Variants in WDR7 observed in about 807,000 individuals in gnomAD.
The protein encoded by WDR7 is WD repeat domain 7, also known as WD repeat-containing protein 7.
A neutral mutation model predicts 169.4 loss-of-function variants in WDR7; 46 were observed. The observed-to-expected ratio is 0.27, with a 90% CI of 0.21 to 0.35. The LOEUF (loss-of-function observed/expected upper bound fraction) is 0.35. WDR7 is among the 10% of genes least tolerant of loss of function. The probability of loss-of-function intolerance (pLI) is 1.00; values close to 1 mark genes in which losing one functional copy is unlikely to be tolerated. For synonymous variants in WDR7, 612 were observed against 666.8 expected, an observed-to-expected ratio of 0.92 and a Z score of 1.27; for missense variants, 1,534 against 1,859.3, an observed-to-expected ratio of 0.83 and a Z score of 3.22.
At chr18:56,762,257 T>C (rs1289236209) in intron 16 of WDR7, among the ~76,000 whole-genome samples, 1 of 152,006 alleles carries the variant, frequency 6.6e-6, no homozygotes, top group Admixed American at 6.5e-5. Context: ...TTTTTTCTGA[T>C]GTCCTTAGAA....
In WDR7 at chr18:56,747,835, C is replaced by T. The variant is rs147399805; in HGVS notation, c.1990-8748C>T. On this transcript the variant is annotated intron_variant, in intron 14 of 27. Coordinates refer to ENST00000254442, the MANE Select transcript of WDR7 (RefSeq NM_015285.3). ...GGTTCAAAATAGCTTAGAATCTACACGAGCATGAACATTTCTGAAATGAGG... is the reference window on the plus strand; with the variant it reads ...GGTTCAAAATAGCTTAGAATCTACATGAGCATGAACATTTCTGAAATGAGG... Among the ~76,000 whole-genome samples, 377 of 152,140 alleles carry T rather than the reference C, an allele frequency of 2.5e-3. 1 individual carries two copies. Among genetic ancestry groups the T allele is most frequent in the African/African-American group, 8.3e-3 (345 of 41,532 alleles).
intron 16 of WDR7, among the ~76,000 whole-genome samples, chr18:56,767,946 A>G (rs1266183666): frequency 2.0e-5 from 3 of 152,198 alleles, no homozygotes; most frequent in African/African-American, 7.2e-5. Context: ...CAATGGTGGG[A>G]CGATTCAATA....
At chr18:56,877,379 T>C (rs760317332) in intron 20 of WDR7, among the ~76,000 whole-genome samples, 2 of 152,104 alleles carry the variant, frequency 1.3e-5, no homozygotes, top group Non-Finnish European at 2.9e-5. Flanking sequence ...ACACAGGGAG[T>C]GTCTCGAAAT....
chr18:57,026,823 A>T (rs926970443), intron 27 of WDR7, among the ~76,000 whole-genome samples, 181 bp from the exon 28 acceptor site: 3 of 152,220 alleles, frequency 2.0e-5, no homozygotes, highest in Non-Finnish European at 4.4e-5. Flanking sequence ...CATTTACCAT[A>T]ACAGCATCGG....
intron 19 of WDR7, among the ~76,000 whole-genome samples, chr18:56,787,712 T>C (rs2044424209): frequency 6.6e-6 from 1 of 152,202 alleles, no homozygotes; most frequent in African/African-American, 2.4e-5. Flanking sequence ...GTAGTACCTA[T>C]TTTAACCTGG....
chr18:56,878,721 A>AT (rs2046063501), intron 20 of WDR7, among the ~76,000 whole-genome samples: 1 of 152,026 alleles, frequency 6.6e-6, no homozygotes, highest in South Asian at 2.1e-4. Flanking sequence ...ATTGTTAACC[A>AT]TTTTACCCCC....
intron 12 of WDR7, among the ~76,000 whole-genome samples, chr18:56,698,605 CA>C (rs34560445): frequency 0.17 from 14,653 of 88,030 alleles, 910 homozygotes; most frequent in East Asian, 0.39. Flanking sequence ...GACTCTGTCT[CA>C]AAAAAAAAAA....
intron 26 of WDR7, among the ~76,000 whole-genome samples, chr18:56,970,083 T>C (rs2047462136): frequency 6.6e-6 from 1 of 152,152 alleles, no homozygotes; most frequent in South Asian, 2.1e-4. Flanking sequence ...AAAATAAATA[T>C]CAAAAAATGT....
chr18:56,974,178 C>T (rs2047531578), intron 26 of WDR7, among the ~76,000 whole-genome samples: 1 of 152,090 alleles, frequency 6.6e-6, no homozygotes, highest in Admixed American at 6.5e-5. Flanking sequence ...TATCTCACAC[C>T]TAATTTCATG....
intron 16 of WDR7, among the ~76,000 whole-genome samples, chr18:56,764,326 G>T (rs1385944756): frequency 6.6e-6 from 1 of 151,956 alleles, no homozygotes. Flanking sequence ...CCTAGGATCT[G>T]TCTGTTACTG....
chr18:56,792,612 G>GTT (rs71169398), intron 19 of WDR7, among the ~76,000 whole-genome samples: 1,383 of 134,024 alleles, frequency 0.01, 17 homozygotes, highest in South Asian at 0.029. Context: ...TTAAATCTTT[G>GTT]TTTTTTTTTT....
At chr18:56,672,178 T>C (rs2025149000) in intron 1 of WDR7, among the ~76,000 whole-genome samples, 2 of 152,162 alleles carry the variant, frequency 1.3e-5, no homozygotes, top group Non-Finnish European at 2.9e-5. Flanking sequence ...CCTAGATAAA[T>C]ATGAGGTACT....
intron 1 of WDR7, among the ~76,000 whole-genome samples, chr18:56,664,978 A>T (rs575357013): frequency 1.3e-5 from 2 of 152,200 alleles, no homozygotes; most frequent in Non-Finnish European, 2.9e-5. Flanking sequence ...TGTTGTGTGC[A>T]TATGTACAAC....
At chr18:56,984,446 T>C (rs1297862429) in intron 26 of WDR7, among the ~76,000 whole-genome samples, 2 of 152,216 alleles carry the variant, frequency 1.3e-5, no homozygotes, top group African/African-American at 4.8e-5. Flanking sequence ...AAATGTAGCA[T>C]AGTTTTAGTT....
intron 19 of WDR7, among the ~76,000 whole-genome samples, chr18:56,806,996 G>A (rs932824429): frequency 1.3e-5 from 2 of 151,878 alleles, no homozygotes; most frequent in Non-Finnish European, 2.9e-5. Context: ...CCTTTTTAAA[G>A]CCATCAACTT....
At chr18:56,803,466 G>A (rs1456703649) in intron 19 of WDR7, among the ~76,000 whole-genome samples, 1 of 152,150 alleles carries the variant, frequency 6.6e-6, no homozygotes, top group Non-Finnish European at 1.5e-5. Flanking sequence ...CATTGGTTCT[G>A]TGAAAGGTAA....
chr18:56,757,627 A>G (rs1157720071), intron 15 of WDR7, among the ~76,000 whole-genome samples: 1 of 152,072 alleles, frequency 6.6e-6, no homozygotes, highest in Non-Finnish European at 1.5e-5. Flanking sequence ...TTGTAAATAT[A>G]ATTATAAAAT....
intron 21 of WDR7, among the ~76,000 whole-genome samples, chr18:56,914,140 C>T (rs1040162440): frequency 2.0e-5 from 3 of 152,336 alleles, no homozygotes; most frequent in East Asian, 1.9e-4. Flanking sequence ...CCACACTGGA[C>T]GTTTTGCTGT....
intron 26 of WDR7, among the ~76,000 whole-genome samples, chr18:56,972,175 T>C (rs186295922): frequency 6.1e-4 from 93 of 152,274 alleles, no homozygotes; most frequent in African/African-American, 2.1e-3. Flanking sequence ...AGACACTAGA[T>C]AGCAAAAGAA....
Sources: allele counts gnomAD v4.1 joint callset (sites outside exome capture counted in the v4.1 genomes callset), GRCh38; gene constraint gnomAD v4.1.1; transcripts MANE v1.5; gene names NCBI Gene and HGNC (gene_info 2026-07-23, HGNC 2026-07-21).